The following DNAJB6 variants were observed in gnomAD, a reference collection of about 807,000 sequenced individuals.
The protein encoded by DNAJB6 is dnaJ homolog subfamily B member 6.
A neutral mutation model predicts 42.7 loss-of-function variants in DNAJB6; 16 were observed. The ratio of observed to expected loss-of-function variants is 0.37; its 90% CI spans 0.25 to 0.57. DNAJB6 has a LOEUF of 0.57. Among genes scored for constraint, DNAJB6 ranks in the 20% least tolerant of loss-of-function variants. The probability of loss-of-function intolerance (pLI) is 0.74; values close to 1 mark genes in which losing one functional copy is unlikely to be tolerated. For missense variants in DNAJB6, 347 were observed against 416.8 expected, an observed-to-expected ratio of 0.83 and a Z score of 1.46; for synonymous variants, 170 against 163.5, an observed-to-expected ratio of 1.04 and a Z score of -0.30.
At chr7:157,386,969 G>C (rs1358591625) in intron 8 of DNAJB6, among the ~76,000 whole-genome samples, 5 of 149,840 alleles carry the variant, frequency 3.3e-5, no homozygotes, top group Non-Finnish European at 7.5e-5. Context: ...TTGGTAACTA[G>C]AATCCTAGCT....
chr7:157,354,474 T>TAA (rs34290769), intron 1 of DNAJB6, among the ~76,000 whole-genome samples: 8 of 151,678 alleles, frequency 5.3e-5, no homozygotes, highest in Non-Finnish European at 8.8e-5. Flanking sequence ...ATTTTTTTTT[T>TAA]AAAAAAATTA....
chr7:157,367,612 G>C, intron 5 of DNAJB6, 129 bp downstream of exon 5: 1 of 642,994 alleles, frequency 1.6e-6, no homozygotes, highest in Non-Finnish European at 2.8e-6. Context: ...TGTAATCCCA[G>C]CACTTTGGGA....
At chr7:157,367,283 C>T (rs139512917) in intron 4 of DNAJB6, 90 bp from the exon 5 acceptor site, 21 of 885,016 alleles carry the variant, frequency 2.4e-5, no homozygotes, top group Non-Finnish European at 3.7e-5. Flanking sequence ...TTTATTAGTT[C>T]ATGATTTGTA....
At chr7:157,370,076 C>A (rs964468945) in intron 5 of DNAJB6, among the ~76,000 whole-genome samples, 14 of 147,508 alleles carry the variant, frequency 9.5e-5, no homozygotes, top group African/African-American at 3.1e-4. Context: ...ATTAAACGGG[C>A]CCCTTCTTAA....
intron 2 of DNAJB6, among the ~76,000 whole-genome samples, chr7:157,361,289 G>A (rs1379044562): frequency 6.6e-6 from 1 of 151,928 alleles, no homozygotes; most frequent in Non-Finnish European, 1.5e-5. Flanking sequence ...CTCCCGAGTA[G>A]GTGGAACTGC....
intron 1 of DNAJB6, chr7:157,339,963 C>T (rs1798273031): frequency 6.6e-6 from 1 of 152,232 alleles, no homozygotes; most frequent in Admixed American, 6.6e-5. Context: ...CACTTCATAA[C>T]TTGGGCAGGT....
intron 1 of DNAJB6, chr7:157,339,955 C>T (rs978306064): frequency 2.0e-5 from 3 of 152,190 alleles, no homozygotes; most frequent in African/African-American, 4.8e-5. Context: ...TAAGAGGGCA[C>T]TTCATAACTT....
rs547615461 is a variant in DNAJB6, at chr7:157,413,844, C to T, written c.899-2172C>T. Reference sequence around the variant, plus strand: ...TTCCAGCGATTTTCCTGCCTCACCTCCCCAGTGGCCGGAACTACAGGTGCT... The same window carrying T: ...TTCCAGCGATTTTCCTGCCTCACCTTCCCAGTGGCCGGAACTACAGGTGCT... On this transcript the variant is annotated intron_variant, in intron 9 of 9. Transcript: ENST00000262177. The T allele has an allele frequency of 2.0e-5, 3 of 151,942 alleles. No individual in the cohort carries two copies. In the South Asian group the frequency reaches 6.2e-4, roughly 32 times the overall value. 9.4% of individuals were successfully genotyped at this position (151,942 alleles called of 1,614,324 possible).
chr7:157,348,885 C>T (rs1328826142), intron 1 of DNAJB6, among the ~76,000 whole-genome samples: 3 of 152,142 alleles, frequency 2.0e-5, no homozygotes, highest in Admixed American at 6.6e-5. Flanking sequence ...CCTGAGCATA[C>T]GCTGTTACTT....
At chr7:157,341,249 C>T (rs1216034357) in intron 1 of DNAJB6, among the ~76,000 whole-genome samples, 1 of 152,046 alleles carries the variant, frequency 6.6e-6, no homozygotes, top group Non-Finnish European at 1.5e-5. Context: ...CTCAGCCTCC[C>T]GAGTAGCTGT....
In DNAJB6 at chr7:157,395,799, T is replaced by G. The variant is rs375442742; in HGVS notation, c.691+10188T>G. ...TCCCTAGTAGCTGGGATTACAGGCC[T>G]GTGCCACCACACCCGGCTAATTCTT... On this transcript the variant is annotated intron_variant, in intron 8 of 9. Coordinates refer to ENST00000262177, the MANE Select transcript of DNAJB6 (RefSeq NM_058246.4). Among the ~76,000 whole-genome samples, 5 of 149,694 alleles carry G rather than the reference T, an allele frequency of 3.3e-5. No homozygotes were observed. In the East Asian group the frequency reaches 8.0e-4, roughly 24 times the overall value.
At chr7:157,361,772 T>TCATG (rs1029695818) in intron 2 of DNAJB6, among the ~76,000 whole-genome samples, 9 of 151,432 alleles carry the variant, frequency 5.9e-5, no homozygotes, top group East Asian at 3.9e-4. Context: ...ATTCATTCAT[T>TCATG]CATGCATTCA....
At chr7:157,390,663 C>T (rs923066968) in intron 8 of DNAJB6, among the ~76,000 whole-genome samples, 1 of 152,164 alleles carries the variant, frequency 6.6e-6, no homozygotes, top group Non-Finnish European at 1.5e-5. Flanking sequence ...CCCGTGTGGT[C>T]AGCGCTGTGC....
At chr7:157,350,031 C>T (rs1381330580) in intron 1 of DNAJB6, among the ~76,000 whole-genome samples, 2 of 152,154 alleles carry the variant, frequency 1.3e-5, no homozygotes, top group African/African-American at 4.8e-5. Flanking sequence ...TCAAGCGTTC[C>T]CTCATTCTCT....
chr7:157,373,151 A>G (rs571841955), intron 5 of DNAJB6, among the ~76,000 whole-genome samples: 1 of 152,340 alleles, frequency 6.6e-6, no homozygotes, highest in East Asian at 1.9e-4. Context: ...GATAATCTAT[A>G]AAGAGCCTGT....
At chr7:157,366,475 C>CT in intron 3 of DNAJB6, 27 bp from the exon 4 acceptor site, 1 of 1,611,396 alleles carries the variant, frequency 6.2e-7, no homozygotes, top group South Asian at 1.1e-5. Context: ...GGAACTTGGC[C>CT]TTACCGACTT....
chr7:157,367,530 T>G (rs1472715513), intron 5 of DNAJB6, 47 bp downstream of exon 5: 1 of 1,141,810 alleles, frequency 8.8e-7, no homozygotes, highest in South Asian at 1.2e-5. Flanking sequence ...ATGACCCAAA[T>G]GAGGGCTTAC....
chr7:157,342,639 T>G (rs891760597), intron 1 of DNAJB6, among the ~76,000 whole-genome samples: 2 of 152,060 alleles, frequency 1.3e-5, no homozygotes, highest in African/African-American at 4.8e-5. Context: ...ATATTTTTAG[T>G]AGAGATAGGG....
Position 157,415,705 on chromosome 7 carries a change from C to T in DNAJB6, c.899-311C>T, listed in dbSNP as rs149439352. On this transcript the variant is annotated intron_variant, in intron 9 of 9. Transcript: ENST00000262177. ...GAGGTGCAGCCGTGCCCAGGGTGGG[C>T]TTCTAGCTCTGCCGCTGGGCAGAAC... is the stretch of plus-strand genomic sequence containing the variant. Among the ~76,000 whole-genome samples the T allele has an allele frequency of 7.4e-4, 112 of 151,516 alleles. 1 individual carries two copies. The highest frequency in any genetic ancestry group is 2.4e-3 in the African/African-American group (99 of 41,140).
Sources: allele counts gnomAD v4.1 joint callset (sites outside exome capture counted in the v4.1 genomes callset), GRCh38; gene constraint gnomAD v4.1.1; transcripts MANE v1.5; gene names NCBI Gene and HGNC (gene_info 2026-07-23, HGNC 2026-07-21).